PDZD2: variants seen among roughly 807,000 people sequenced by gnomAD.
PDZD2 encodes PDZ domain containing 2.
In PDZD2, 90 loss-of-function variants were observed where a neutral mutation model predicts 220.7. That is an observed-to-expected ratio of 0.41 (90% CI 0.34 to 0.49). The LOEUF is 0.49. Ranked by LOEUF, PDZD2 falls within the 20% of genes least tolerant of loss-of-function variation. The pLI is 0.28. For missense variants in PDZD2, 3,174 were observed against 3,608.5 expected (o/e 0.88, Z 3.08); for synonymous variants, 1,375 against 1,450.5 (o/e 0.95, Z 1.18).
At chr5:31,886,823 G>A (rs1000718029) in intron 2 of PDZD2, among the ~76,000 whole-genome samples, 8 of 151,854 alleles carry the variant, frequency 5.3e-5, no homozygotes, top group Non-Finnish European at 7.4e-5. Flanking sequence ...TCAGCCTCCC[G>A]AGTAGCTGGC....
At chr5:31,714,190 T>C (rs905231318) in intron 1 of PDZD2, among the ~76,000 whole-genome samples, 1 of 152,234 alleles carries the variant, frequency 6.6e-6, no homozygotes, top group Non-Finnish European at 1.5e-5. Context: ...AGTAAGTTTT[T>C]CCAGGAAAGT....
intron 2 of PDZD2, among the ~76,000 whole-genome samples, chr5:31,926,812 G>A (rs1047829600): frequency 6.6e-6 from 1 of 152,094 alleles, no homozygotes; most frequent in African/African-American, 2.4e-5. Flanking sequence ...GCCATGGAAT[G>A]AACCTATGTG....
intron 1 of PDZD2, among the ~76,000 whole-genome samples, chr5:31,739,569 A>G (rs574890256): frequency 4.6e-5 from 7 of 152,328 alleles, no homozygotes; most frequent in African/African-American, 1.7e-4. Flanking sequence ...ATTAAAAGAT[A>G]AAAATAAAAA....
At chr5:31,765,009 G>A (rs1233831079) in intron 1 of PDZD2, among the ~76,000 whole-genome samples, 1 of 152,014 alleles carries the variant, frequency 6.6e-6, no homozygotes, top group Non-Finnish European at 1.5e-5. Flanking sequence ...CCCGGGAGGT[G>A]GAGTTTGCAG....
At chr5:31,988,915 C>T (rs1750948849) in intron 3 of PDZD2, among the ~76,000 whole-genome samples, 1 of 152,214 alleles carries the variant, frequency 6.6e-6, no homozygotes, top group Admixed American at 6.5e-5. Flanking sequence ...GCCGCCTGCT[C>T]TGTCATTAGC....
intron 1 of PDZD2, chr5:31,665,032 A>G (rs1174548697): frequency 6.6e-6 from 1 of 152,300 alleles, no homozygotes; most frequent in African/African-American, 2.4e-5. Context: ...CTACACTATG[A>G]AGGGGGAATA....
At chr5:31,768,706 C>G (rs895629144) in intron 1 of PDZD2, among the ~76,000 whole-genome samples, 1 of 151,710 alleles carries the variant, frequency 6.6e-6, no homozygotes, top group African/African-American at 2.4e-5. Context: ...TGAACTGATG[C>G]CTGGTCGAAG....
chr5:32,074,200 G>A lies in PDZD2; in HGVS notation c.3094G>A (p.Ala1032Thr). The A allele has an allele frequency of 6.2e-7, 1 of 1,614,196 alleles. No homozygotes were observed. The highest frequency in any genetic ancestry group is 1.1e-5 in the South Asian group (1 of 91,086). The change falls in exon 18 of 25, where the codon GCA becomes ACA. Residue 1032 changes from alanine (A) to threonine (T), a missense_variant. Coordinates refer to ENST00000438447, the MANE Select transcript of PDZD2 (RefSeq NM_178140.4). ...AACACTGGTGAGCAAGGCCATCTCG[G>A]CACCTCTTCTTGGTAGCTCAGTGGA... ...RKTLVSKAIS[A>T]PLLGSSVDLE...
At chr5:31,685,540 T>C (rs1283140587) in intron 1 of PDZD2, among the ~76,000 whole-genome samples, 3 of 152,176 alleles carry the variant, frequency 2.0e-5, no homozygotes, top group Non-Finnish European at 4.4e-5. Flanking sequence ...TTATTATTTT[T>C]TGAGACAGGG....
At chr5:31,683,001 T>A (rs1746708439) in intron 1 of PDZD2, among the ~76,000 whole-genome samples, 1 of 152,040 alleles carries the variant, frequency 6.6e-6, no homozygotes. Context: ...TGACCAGTAC[T>A]CTGACTTTAT....
Position 31,724,369 on chromosome 5 carries a change from G to A in PDZD2, c.-360-74520G>A, listed in dbSNP as rs894964038. 3.9e-5 allele frequency among the ~76,000 whole-genome samples: 6 copies of A among 152,146 alleles called. No individual in the cohort carries two copies. The East Asian group carries it at 5.8e-4, about 15-fold the overall frequency. ...TGTAATCCCAGCACTTTGGGAGGCC[G>A]AGATGGGCGGATCACCTGAGGTTGG... On this transcript the variant is annotated intron_variant, in intron 1 of 24. Coordinates refer to ENST00000438447, the MANE Select transcript of PDZD2 (RefSeq NM_178140.4).
intron 2 of PDZD2, among the ~76,000 whole-genome samples, chr5:31,925,232 A>C (rs936012175): frequency 6.6e-6 from 1 of 152,140 alleles, no homozygotes; most frequent in Non-Finnish European, 1.5e-5. Flanking sequence ...GTCTATAATA[A>C]CTAAAACAGC....
intron 1 of PDZD2, among the ~76,000 whole-genome samples, chr5:31,751,673 T>G (rs750080306): frequency 1.2e-4 from 18 of 152,116 alleles, no homozygotes; most frequent in Middle Eastern, 3.2e-3. Context: ...CTGCATTAAA[T>G]ACCGGGGACA....
chr5:31,776,651 T>C (rs1161975891), intron 1 of PDZD2, among the ~76,000 whole-genome samples: 7 of 149,666 alleles, frequency 4.7e-5, no homozygotes, highest in Admixed American at 1.3e-4. Flanking sequence ...TATTTATTTA[T>C]TTATTTATTT....
At chr5:31,696,979 A>G (rs1182269806) in intron 1 of PDZD2, among the ~76,000 whole-genome samples, 2 of 152,156 alleles carry the variant, frequency 1.3e-5, no homozygotes, top group Non-Finnish European at 2.9e-5. Flanking sequence ...CTGAGTTTCC[A>G]CTGCCAGAGA....
chr5:32,000,173 G>A lies in PDZD2; in HGVS notation c.1156G>A (p.Val386Ile). ...GRLSLGDELL[V>I]INGHLLVGLS... is the part of the protein sequence containing the mutation. ...GCTGTCCTTAGGAGATGAGCTGCTGGTAATCAATGGTCATTTACTGGTCGG... is the reference window on the plus strand; with the variant it reads ...GCTGTCCTTAGGAGATGAGCTGCTGATAATCAATGGTCATTTACTGGTCGG... The change falls in exon 5 of 25, where the codon GTA (valine) becomes ATA (isoleucine). Residue 386 changes from valine to isoleucine, a missense_variant. Transcript: ENST00000438447. This position sits in a 1 kb window ranked among gnomAD's most constrained non-coding sequence, Gnocchi z 4.5. 1 of 1,613,984 alleles carries A rather than the reference G, an allele frequency of 6.2e-7. No homozygotes were observed. The highest frequency in any genetic ancestry group is 8.5e-7 in the Non-Finnish European group (1 of 1,179,840).
chr5:31,974,448 T>C (rs539181444), intron 2 of PDZD2, among the ~76,000 whole-genome samples: 12 of 152,358 alleles, frequency 7.9e-5, no homozygotes, highest in African/African-American at 2.6e-4. Context: ...TAGAATGTCA[T>C]TGAGCTCCTT....
At chr5:32,067,588 TA>T (rs560651575) in intron 14 of PDZD2, among the ~76,000 whole-genome samples, 53 of 152,316 alleles carry the variant, frequency 3.5e-4, no homozygotes, top group African/African-American at 1.2e-3. Flanking sequence ...TATATAGAAA[TA>T]TTTATTAAGA....
intron 1 of PDZD2, among the ~76,000 whole-genome samples, chr5:31,762,083 G>A (rs1751690755): frequency 6.6e-6 from 1 of 152,130 alleles, no homozygotes; most frequent in Admixed American, 6.5e-5. Flanking sequence ...TACCAAGGAG[G>A]AAATGGTGCT....
Sources: gnomAD v4.1 joint callset for allele counts (sites outside exome capture counted in the v4.1 genomes callset) on GRCh38, gnomAD v4.1.1 for gene constraint, Gnocchi (gnomAD v3.1) non-coding constraint, MANE v1.5 for transcripts, NCBI Gene and HGNC (gene_info 2026-07-23, HGNC 2026-07-21) for gene names.